The following EML3 variants were observed in gnomAD, a reference collection of about 807,000 sequenced individuals.
The protein encoded by EML3 is echinoderm microtubule-associated protein-like 3.
In EML3, 53 loss-of-function variants were observed where a neutral mutation model predicts 106.7. That is an observed-to-expected ratio of 0.50 (90% CI 0.40 to 0.62). EML3 has a LOEUF of 0.62. Ranked by LOEUF, EML3 falls within the 20% of genes least tolerant of loss-of-function variation. The probability of loss-of-function intolerance (pLI) is 0.00; values close to 1 mark genes in which losing one functional copy is unlikely to be tolerated. For missense variants in EML3, 994 were observed against 1,209.1 expected (o/e 0.82, Z 2.64); for synonymous variants, 499 against 489.6 (o/e 1.02, Z -0.25).
intron 5 of EML3, 24 bp from the exon 6 acceptor site, chr11:62,609,501 A>G: frequency 6.5e-7 from 1 of 1,545,562 alleles, no homozygotes; most frequent in Non-Finnish European, 8.7e-7. Flanking sequence ...GGGTGGTGTC[A>G]ACTACCCCCT....
Position 62,602,256 on chromosome 11 carries a change from C to T in EML3, c.*219G>A, listed in dbSNP as rs1222919838. 6.5e-7 allele frequency: 1 copy of T among 1,545,652 alleles called. No homozygotes were observed. The highest frequency in any genetic ancestry group is 8.7e-7 in the Non-Finnish European group (1 of 1,144,194). ...TGGTTTATTGCCCCTCAGCAGGCAG[C>T]GGGAGTCAAGGCCTAGGCTGGGGCT... On this transcript the variant is annotated 3_prime_UTR_variant, in exon 22 of 22. Coordinates refer to ENST00000394773, the MANE Select transcript of EML3 (RefSeq NM_153265.3).
intron 3 of EML3, 45 bp from the exon 4 acceptor site, chr11:62,611,037 C>A: frequency 6.2e-7 from 1 of 1,606,872 alleles, no homozygotes; most frequent in East Asian, 2.2e-5. Context: ...CTGTACTCTG[C>A]AATCCTACCA....
chr11:62,605,377 G>A lies in EML3; in HGVS notation c.1915-197C>T. The A allele has an allele frequency of 1.5e-6, 1 of 678,390 alleles. No homozygotes were observed. Among genetic ancestry groups the A allele is most frequent in the Non-Finnish European group, 2.4e-6 (1 of 417,598 alleles). 42.0% of individuals were successfully genotyped at this position (678,390 alleles called of 1,614,324 possible). ...TTTAACCACAGAACTGATGCCAATA[G>A]CTGTGCTGGAGATTAACCATTTAGG... On this transcript the variant is annotated intron_variant, in intron 15 of 21. Transcript: ENST00000394773. The surrounding 1 kb of genome is among the most constrained non-coding windows in gnomAD (Gnocchi z 5.2).
chr11:62,605,117 C>T lies in EML3; in HGVS notation c.1978G>A (p.Gly660Arg). The stretch of plus-strand genomic sequence containing the variant: ...GGAGTCCTGGCTCTCTCTCACCTCC[C>T]CGTGTTCAGTCCTACGGCCACAACT... ...GAVVAVGLNT[G>R]RWLVLDTETR... The change falls in exon 16 of 22, where the codon GGG becomes AGG. Residue 660 changes from glycine to arginine, a missense_variant. This residue lies in a region of EML3 where 713 missense variants were observed against 920.5 expected (regional missense o/e 0.77). Transcript: ENST00000394773. The surrounding 1 kb of genome is among the most constrained non-coding windows in gnomAD (Gnocchi z 5.2). 1.2e-6 allele frequency: 2 copies of T among 1,612,366 alleles called. No individual in the cohort carries two copies. Among genetic ancestry groups the T allele is most frequent in the Non-Finnish European group, 1.7e-6 (2 of 1,179,090 alleles).
rs1942476760 is a variant in EML3, at chr11:62,605,726, G to A, written c.1830C>T (p.Asn610=). ...LWGLCTHPSQ[N]RFLTCGHDRQ... ...GGTCGTGGCCGCAGGTGAGGAAGCG[G>A]TTCTGGGAGGGGTGTGTGCAGAGCC... Residue 610 remains asparagine (N), a synonymous_variant, in exon 15 of 22, where the codon AAC becomes AAT. Transcript: ENST00000394773. This position sits in a 1 kb window ranked among gnomAD's most constrained non-coding sequence, Gnocchi z 5.2. The A allele has an allele frequency of 6.2e-7, 1 of 1,601,142 alleles. No individual in the cohort carries two copies. Among genetic ancestry groups the A allele is most frequent in the Non-Finnish European group, 8.5e-7 (1 of 1,173,164 alleles).
chr11:62,602,360 T>A lies in EML3; in HGVS notation c.*115A>T. 2 of 1,550,532 alleles carry A rather than the reference T, an allele frequency of 1.3e-6. No individual in the cohort carries two copies. The highest frequency in any genetic ancestry group is 1.7e-6 in the Non-Finnish European group (2 of 1,146,572). On this transcript the variant is annotated 3_prime_UTR_variant, in exon 22 of 22. Transcript: ENST00000394773. ...CTCCAGGAAAATGCGCGATCGGGAA[T>A]GTCTCGAAGTCAGTCCAGGAAAGAG...
In EML3 at chr11:62,602,544, GC is replaced by G; in HGVS notation, c.2621del (p.Gly874AlafsTer51). Reference sequence around the variant, plus strand: ...AGGGCGTGGCGGGCGCCGGCCCCGCGCCCCCAGCGCCCAGCACTCGCCACTG... The same window carrying G: ...AGGGCGTGGCGGGCGCCGGCCCCGCGCCCCAGCGCCCAGCACTCGCCACTG... ...IFQWRVLGAG[G>X]AGPAPATPSR... On this transcript the variant is annotated frameshift_variant, in exon 22 of 22. Coordinates refer to ENST00000394773, the MANE Select transcript of EML3 (RefSeq NM_153265.3). LOFTEE classifies it high-confidence loss of function. 1 of 1,488,460 alleles carries G rather than the reference GC, an allele frequency of 6.7e-7. No homozygotes were observed. Among genetic ancestry groups the G allele is most frequent in the Non-Finnish European group, 8.9e-7 (1 of 1,120,832 alleles). 92.2% of individuals were successfully genotyped at this position (1,488,460 alleles called of 1,614,324 possible).
At chr11:62,603,840 T>G (rs1457292354) in intron 18 of EML3, 24 bp from the exon 19 acceptor site, 1 of 1,613,554 alleles carries the variant, frequency 6.2e-7, no homozygotes, top group South Asian at 1.1e-5. Flanking sequence ...TCAAGAGTTT[T>G]AAAGTATCCC....
rs761823604 is a variant in EML3 at position 62,610,885 on chromosome 11, G to C, written c.560C>G (p.Thr187Arg). 6 of 1,609,082 alleles carry C rather than the reference G, an allele frequency of 3.7e-6. No homozygotes were observed. The highest frequency in any genetic ancestry group is 8.5e-7 in the Non-Finnish European group (1 of 1,179,152). Residue 187 changes from threonine to arginine, a missense_variant, in exon 4 of 22, where the codon ACA (threonine) becomes AGA (arginine). Coordinates refer to ENST00000394773, the MANE Select transcript of EML3 (RefSeq NM_153265.3). ...GAGGGGAAGCCTCACCCACCTCTCT[G>C]TGCTCCCGGACCGCACTAACAGGTT... ...SANLLVRSGS[T>R]ESRGGKDPLS...
intron 11 of EML3, chr11:62,607,337 A>G: frequency 2.2e-6 from 1 of 461,460 alleles, no homozygotes; most frequent in Admixed American, 3.9e-5. Flanking sequence ...AAAAAACAAA[A>G]AAAAAACGGG....
chr11:62,607,834 C>CACTAGA lies in EML3; in HGVS notation c.1207-19_1207-14dup. On this transcript the variant is annotated splice_polypyrimidine_tract_variant and intron_variant, in intron 10 of 21. Coordinates refer to ENST00000394773, the MANE Select transcript of EML3 (RefSeq NM_153265.3). The stretch of plus-strand genomic sequence containing the variant: ...AGTCATTTGTACTCTGAAGGGAAGA[C>CACTAGA]ACTAGATTCAGCCACCCCAAGCCCT... The CACTAGA allele has an allele frequency of 6.2e-7, 1 of 1,608,194 alleles. No individual in the cohort carries two copies. The highest frequency in any genetic ancestry group is 2.2e-5 in the East Asian group (1 of 44,722).
rs566313557 is a variant in EML3 at position 62,605,965 on chromosome 11, C to G, written c.1672G>C (p.Gly558Arg). The change falls in exon 14 of 22, where the codon GGG (glycine) becomes CGG (arginine). Residue 558 changes from glycine to arginine, a missense_variant. By Grantham distance (125) the Gly-to-Arg change is moderately radical. This residue lies in a region of EML3 where 713 missense variants were observed against 920.5 expected (regional missense o/e 0.77). Coordinates refer to ENST00000394773, the MANE Select transcript of EML3 (RefSeq NM_153265.3). This position sits in a 1 kb window ranked among gnomAD's most constrained non-coding sequence, Gnocchi z 5.2. ...CCTTCAGCAATGGCTCGCACGGCCC[C>G]GAAGTGCTCGGGAATCTGCAGAGTG... is the stretch of plus-strand genomic sequence containing the variant. ...LQEAEIPEHF[G>R]AVRAIAEGLG... The G allele has an allele frequency of 6.2e-7, 1 of 1,614,162 alleles. No individual in the cohort carries two copies. Among genetic ancestry groups the G allele is most frequent in the South Asian group, 1.1e-5 (1 of 91,090 alleles).
intron 4 of EML3, 127 bp downstream of exon 4, chr11:62,610,752 T>G: frequency 3.8e-6 from 3 of 779,946 alleles, no homozygotes; most frequent in Non-Finnish European, 6.1e-6. Context: ...GCCCCAGAAG[T>G]GTTTGTTTCT....
chr11:62,602,800 A>G lies in EML3; in HGVS notation c.2446T>C (p.Cys816Arg). 6.2e-7 allele frequency: 1 copy of G among 1,611,214 alleles called. No individual in the cohort carries two copies. Among genetic ancestry groups the G allele is most frequent in the Non-Finnish European group, 8.5e-7 (1 of 1,179,262 alleles). The change falls in exon 21 of 22, where the codon TGC becomes CGC. Residue 816 changes from cysteine (C) to arginine (R), a missense_variant. Cys to Arg is a radical substitution (Grantham distance 180). Transcript: ENST00000394773. Reference sequence around the variant, plus strand: ...GGGTACTGGAAGAGATGCACTTTGCAGAAGTCGTCGGCCACCGCCACCACG... The same window carrying G: ...GGGTACTGGAAGAGATGCACTTTGCGGAAGTCGTCGGCCACCGCCACCACG... ...ERVVAVADDF[C>R]KVHLFQYPCA...
chr11:62,607,545 A>G, intron 11 of EML3, 121 bp downstream of exon 11: 2 of 1,228,566 alleles, frequency 1.6e-6, no homozygotes, highest in Non-Finnish European at 2.2e-6. Flanking sequence ...CTCAAAAGAA[A>G]AAAAAAAAAA....
rs766414634 is a variant in EML3, at chr11:62,610,898, G to T, written c.547C>A (p.Arg183=). The T allele has an allele frequency of 6.2e-7, 1 of 1,611,598 alleles. No individual in the cohort carries two copies. The highest frequency in any genetic ancestry group is 1.3e-5 in the African/African-American group (1 of 74,944). Reference sequence around the variant, plus strand: ...ACCCACCTCTCTGTGCTCCCGGACCGCACTAACAGGTTGGCGGAGGAGATT... The same window carrying T: ...ACCCACCTCTCTGTGCTCCCGGACCTCACTAACAGGTTGGCGGAGGAGATT... The part of the protein sequence containing the change: ...KAISSANLLV[R]SGSTESRGGK... The change falls in exon 4 of 22, where the codon CGG becomes AGG. Residue 183 remains arginine, a synonymous_variant. Transcript: ENST00000394773.
At chr11:62,607,258 G>T in intron 11 of EML3, 159 bp from the exon 12 acceptor site, 1 of 799,810 alleles carries the variant, frequency 1.3e-6, no homozygotes, top group Non-Finnish European at 1.9e-6. Flanking sequence ...GACCAGCCTG[G>T]CCAATATGGT....
At chr11:62,608,466 C>G (rs1045356169) in intron 9 of EML3, 76 bp downstream of exon 9, 5 of 1,506,456 alleles carry the variant, frequency 3.3e-6, no homozygotes, top group African/African-American at 1.4e-5. Flanking sequence ...CCAGAACTTC[C>G]AAGGCTTCCT....
chr11:62,605,765 A>T lies in EML3; in HGVS notation c.1791T>A (p.Thr597=). The T allele has an allele frequency of 6.3e-7, 1 of 1,595,154 alleles. No individual in the cohort carries two copies. Among genetic ancestry groups the T allele is most frequent in the Non-Finnish European group, 8.6e-7 (1 of 1,168,790 alleles). Residue 597 remains threonine, a synonymous_variant, in exon 15 of 22, where the codon ACT becomes ACA. Coordinates refer to ENST00000394773, the MANE Select transcript of EML3 (RefSeq NM_153265.3). This position sits in a 1 kb window ranked among gnomAD's most constrained non-coding sequence, Gnocchi z 5.2. ...GTGTGCAGAGCCCCCAGAGCTCATC[A>T]GTGTGGCCCTGCAGCACAGCATGAC... is the stretch of plus-strand genomic sequence containing the variant. ...QGFSPVIQGH[T]DELWGLCTHP...
Sources: allele counts gnomAD v4.1 joint callset, GRCh38; gene constraint gnomAD v4.1.1; regional missense constraint gnomAD v4.1.1; non-coding constraint Gnocchi (gnomAD v3.1); transcripts MANE v1.5; gene names NCBI Gene and HGNC (gene_info 2026-07-23, HGNC 2026-07-21).